DMXL1: variants seen among roughly 807,000 people sequenced by gnomAD.
DMXL1 encodes dmX-like protein 1.
Under a neutral mutation model 319.2 loss-of-function variants are expected in DMXL1, and 99 were observed. The observed-to-expected ratio is 0.31, with a 90% confidence interval of 0.26 to 0.37. The LOEUF is 0.37. Among genes scored for constraint, DMXL1 ranks in the 10% least tolerant of loss-of-function variants. DMXL1 has a pLI of 1.00. For synonymous variants in DMXL1, 1,385 were observed against 1,235.2 expected, an observed-to-expected ratio of 1.12 and a Z score of -2.54; for missense variants, 3,745 against 3,595.6, an observed-to-expected ratio of 1.04 and a Z score of -1.06.
At chr5:119,081,180 A>T (rs965936259) in intron 1 of DMXL1, among the ~76,000 whole-genome samples, 3 of 152,178 alleles carry the variant, frequency 2.0e-5, no homozygotes, top group Admixed American at 6.5e-5. Flanking sequence ...AGCTCCAAGG[A>T]CTAAGCTGTC....
At chr5:119,123,562 T>C (rs922532716) in intron 9 of DMXL1, among the ~76,000 whole-genome samples, 1 of 152,228 alleles carries the variant, frequency 6.6e-6, no homozygotes, top group Non-Finnish European at 1.5e-5. Context: ...ATTTAGGATC[T>C]TGATAAGGCA....
intron 28 of DMXL1, among the ~76,000 whole-genome samples, chr5:119,185,787 TC>T (rs1777608095): frequency 6.6e-6 from 1 of 152,004 alleles, no homozygotes; most frequent in Non-Finnish European, 1.5e-5. Context: ...ACAGGCATGA[TC>T]CACTGTGCCT....
In DMXL1 at chr5:119,077,479, G is replaced by GTTTT. The variant is rs774672621; in HGVS notation, c.87+5846_87+5849dup. 1.7e-4 allele frequency among the ~76,000 whole-genome samples: 12 copies of GTTTT among 70,214 alleles called. No individual in the cohort carries two copies. In the East Asian group the frequency reaches 3.5e-3, roughly 21 times the overall value. 46.1% of individuals were successfully genotyped at this position (70,214 alleles called of 152,430 possible). ...GTATTGTATTACATCTTCATCTTAG[G>GTTTT]TTTTTTTTTTTTTTTTTTTTTTTTT... On this transcript the variant is annotated intron_variant, in intron 1 of 43. Transcript: ENST00000539542.
chr5:119,155,076 G>A (rs1052318626), intron 19 of DMXL1, among the ~76,000 whole-genome samples: 2 of 152,148 alleles, frequency 1.3e-5, no homozygotes, highest in African/African-American at 2.4e-5. Flanking sequence ...ATTTCCTTTC[G>A]AAATATTGCT....
Position 119,149,130 on chromosome 5 carries a change from G to C in DMXL1, c.3303G>C (p.Glu1101Asp). The C allele has an allele frequency of 6.2e-7, 1 of 1,613,970 alleles. No homozygotes were observed. ...TTGAGCAGACAATTCATTTAGATGA[G>C]TTAAGCACAGTATTGGATTCTGGCA... ...WVLEQTIHLD[E>D]LSTVLDSGIS... The change falls in exon 18 of 44, where the codon GAG becomes GAC. Residue 1101 changes from glutamate to aspartate, a missense_variant. Physicochemically the swap from Glu to Asp is conservative, Grantham distance 45. Transcript: ENST00000539542.
intron 17 of DMXL1, 124 bp downstream of exon 17, chr5:119,147,594 A>G (rs1768866552): frequency 1.6e-6 from 1 of 640,280 alleles, no homozygotes. Flanking sequence ...TAATATATTC[A>G]AGTACCCTAA....
At position 119,197,890 on chromosome 5, in the gene DMXL1, G is replaced by A; in HGVS notation, c.7679G>A (p.Ser2560Asn). The A allele has an allele frequency of 6.2e-7, 1 of 1,614,208 alleles. No individual in the cohort carries two copies. Among genetic ancestry groups the A allele is most frequent in the Non-Finnish European group, 8.5e-7 (1 of 1,180,022 alleles). ...ATCGCAAGTCATACCGCCGAAGAGA[G>A]TTTGTCTGCAGGTCCTGCAATTCTT... is the stretch of plus-strand genomic sequence containing the variant. ...NYIASHTAEE[S>N]LSAGPAILRH... The change falls in exon 32 of 44, where the codon AGT (serine) becomes AAT (asparagine). Residue 2560 changes from serine to asparagine, a missense_variant. Physicochemically the swap from Ser to Asn is conservative, Grantham distance 46. Coordinates refer to ENST00000539542, the MANE Select transcript of DMXL1 (RefSeq NM_001290321.3).
chr5:119,089,840 G>A (rs894166595), intron 1 of DMXL1, among the ~76,000 whole-genome samples: 4 of 151,018 alleles, frequency 2.6e-5, no homozygotes, highest in Non-Finnish European at 4.4e-5. Flanking sequence ...TGGTCAGGCT[G>A]GTCTTGAACT....
intron 38 of DMXL1, among the ~76,000 whole-genome samples, chr5:119,231,386 A>G (rs1002226995): frequency 3.3e-5 from 5 of 152,180 alleles, no homozygotes; most frequent in African/African-American, 9.6e-5. Context: ...ACTGGACCCA[A>G]TCCAGTCAGG....
At position 119,189,746 on chromosome 5, in the gene DMXL1, C is replaced by A; in HGVS notation, c.7174C>A (p.Arg2392Ser). ...LVEEGEKQNK[R>S]FRPSKMSCRE... ...TGAAGAAGGAGAAAAACAGAACAAA[C>A]GTTTTAGGCCGTCAAAAATGTCTTG... Residue 2392 changes from arginine (R) to serine (S), a missense_variant, in exon 29 of 44, where the codon CGT becomes AGT. Transcript: ENST00000539542. 1.9e-6 allele frequency: 3 copies of A among 1,613,978 alleles called. No homozygotes were observed. The highest frequency in any genetic ancestry group is 2.2e-5 in the South Asian group (2 of 91,082).
chr5:119,191,318 C>T (rs1042950122), intron 29 of DMXL1, among the ~76,000 whole-genome samples: 2 of 152,206 alleles, frequency 1.3e-5, no homozygotes, highest in Non-Finnish European at 2.9e-5. Flanking sequence ...TGACATCTAA[C>T]TGTAACTGTT....
At chr5:119,123,682 C>G (rs1240663519) in intron 9 of DMXL1, among the ~76,000 whole-genome samples, 1 of 120,658 alleles carries the variant, frequency 8.3e-6, no homozygotes, top group Non-Finnish European at 1.8e-5. Context: ...TTTTTATAGG[C>G]ATGGAGTCTC....
At chr5:119,083,951 G>T (rs1291783501) in intron 1 of DMXL1, among the ~76,000 whole-genome samples, 1 of 152,158 alleles carries the variant, frequency 6.6e-6, no homozygotes, top group Non-Finnish European at 1.5e-5. Flanking sequence ...GAGAACATCT[G>T]CTATTTCCAG....
At chr5:119,142,903 G>A (rs1767729609) in intron 13 of DMXL1, among the ~76,000 whole-genome samples, 1 of 152,090 alleles carries the variant, frequency 6.6e-6, no homozygotes, top group African/African-American at 2.4e-5. Flanking sequence ...GGGTGGAGCT[G>A]GCATTCATAA....
chr5:119,145,751 T>C (rs2150120421), intron 15 of DMXL1, among the ~76,000 whole-genome samples: 1 of 151,888 alleles, frequency 6.6e-6, no homozygotes, highest in Admixed American at 6.6e-5. Context: ...TTTCTTAAAA[T>C]ATTCAGGAAA....
At chr5:119,183,499 G>C (rs1021908448) in intron 28 of DMXL1, among the ~76,000 whole-genome samples, 4 of 152,192 alleles carry the variant, frequency 2.6e-5, no homozygotes, top group African/African-American at 9.7e-5. Context: ...GTGAGGCAGA[G>C]ACTCGTACCG....
At chr5:119,136,899 A>C (rs930933985) in intron 13 of DMXL1, among the ~76,000 whole-genome samples, 13 of 152,382 alleles carry the variant, frequency 8.5e-5, no homozygotes, top group African/African-American at 3.1e-4. Flanking sequence ...AGGGCAATGC[A>C]GAGGGAGAAA....
chr5:119,077,783 G>A (rs1177377157), intron 1 of DMXL1, among the ~76,000 whole-genome samples: 24 of 139,482 alleles, frequency 1.7e-4, no homozygotes, highest in Admixed American at 7.1e-4. Flanking sequence ...GTGTGTGTGT[G>A]TGTGTATATC....
intron 13 of DMXL1, among the ~76,000 whole-genome samples, chr5:119,140,589 C>G (rs748866928): frequency 6.6e-6 from 1 of 152,056 alleles, no homozygotes; most frequent in African/African-American, 2.4e-5. Flanking sequence ...CAGACTAATA[C>G]GAGCTCCGAA....
Sources: gnomAD v4.1 joint callset for allele counts (sites outside exome capture counted in the v4.1 genomes callset) on GRCh38, gnomAD v4.1.1 for gene constraint, MANE v1.5 for transcripts, NCBI Gene and HGNC (gene_info 2026-07-23, HGNC 2026-07-21) for gene names.